The following PHF20 variants were observed in gnomAD, a reference collection of about 807,000 sequenced individuals.
The protein encoded by PHF20 is PHD finger protein 20, also known as glioma-expressed antigen 2.
A neutral mutation model predicts 113.5 loss-of-function variants in PHF20; 23 were observed. That is an observed-to-expected ratio of 0.20 (90% CI 0.15 to 0.29). PHF20 has a LOEUF of 0.29. Ranked by LOEUF, PHF20 falls within the 10% of genes least tolerant of loss-of-function variation. PHF20 has a pLI of 1.00. For synonymous variants in PHF20, 434 were observed against 457.3 expected (o/e 0.95, Z 0.65); for missense variants, 943 against 1,219.6 (o/e 0.77, Z 3.38).
chr20:35,805,870 T>C (rs1272359464), intron 2 of PHF20, among the ~76,000 whole-genome samples: 4 of 151,774 alleles, frequency 2.6e-5, no homozygotes, highest in African/African-American at 9.7e-5. Flanking sequence ...AGTTCTTTTT[T>C]TTTTCGTTTG....
At chr20:35,848,934 T>C (rs747857630) in intron 4 of PHF20, among the ~76,000 whole-genome samples, 9 of 152,032 alleles carry the variant, frequency 5.9e-5, no homozygotes, top group Non-Finnish European at 1.3e-4. Context: ...GTCTCGAGGC[T>C]ATGATAGTTC....
At chr20:35,869,826 A>G (rs2054385779) in intron 7 of PHF20, among the ~76,000 whole-genome samples, 1 of 152,186 alleles carries the variant, frequency 6.6e-6, no homozygotes, top group South Asian at 2.1e-4. Flanking sequence ...TTAATGGCTT[A>G]GGAAGGGATG....
chr20:35,939,707 A>T lies in PHF20; in HGVS notation c.2712+599A>T, dbSNP rs146080652. ...CCGGTGTTTTCATCTCTAACTGCTC[A>T]CTAGGCTCATTGTGCCCTGTCCTCA... On this transcript the variant is annotated intron_variant, in intron 16 of 17. Transcript: ENST00000374012. Among the ~76,000 whole-genome samples, 65 of 152,306 alleles carry T rather than the reference A, an allele frequency of 4.3e-4. No individual in the cohort carries two copies. In the East Asian group the frequency reaches 0.011, roughly 27 times the overall value.
At chr20:35,890,688 C>T (rs1175567884) in intron 9 of PHF20, among the ~76,000 whole-genome samples, 3 of 152,168 alleles carry the variant, frequency 2.0e-5, no homozygotes, top group Non-Finnish European at 4.4e-5. Context: ...CGAGACCAGC[C>T]TGGCCAACAG....
chr20:35,901,565 G>A (rs554097291), intron 10 of PHF20, among the ~76,000 whole-genome samples: 8 of 152,114 alleles, frequency 5.3e-5, no homozygotes, highest in Non-Finnish European at 7.4e-5. Flanking sequence ...TTTAATGTTT[G>A]TTTGTTTCCT....
chr20:35,777,675 G>T (rs898436867), intron 1 of PHF20, among the ~76,000 whole-genome samples: 3 of 152,152 alleles, frequency 2.0e-5, no homozygotes, highest in African/African-American at 7.2e-5. Flanking sequence ...AAACAAAAAA[G>T]TAGTCAGGCA....
intron 4 of PHF20, among the ~76,000 whole-genome samples, chr20:35,848,929 G>A (rs778790573): frequency 1.1e-4 from 17 of 151,448 alleles, no homozygotes; most frequent in Non-Finnish European, 1.5e-4. Flanking sequence ...GGAGAGTCTC[G>A]AGGCTATGAT....
At chr20:35,821,356 A>G (rs2042165010) in intron 2 of PHF20, among the ~76,000 whole-genome samples, 1 of 150,624 alleles carries the variant, frequency 6.6e-6, no homozygotes, top group South Asian at 2.1e-4. Flanking sequence ...AATTGCTTGA[A>G]CCCGGGAGGT....
At chr20:35,878,746 T>C in intron 9 of PHF20, 1 of 738,904 alleles carries the variant, frequency 1.4e-6, no homozygotes, top group South Asian at 1.5e-5. Context: ...GAAGAGACGC[T>C]GTCTTGCTCT....
At chr20:35,823,809 T>TA in intron 2 of PHF20, among the ~76,000 whole-genome samples, 1 of 152,338 alleles carries the variant, frequency 6.6e-6, no homozygotes, top group East Asian at 1.9e-4. Context: ...CATAGTGTGT[T>TA]ATAATGGAAT....
intron 9 of PHF20, among the ~76,000 whole-genome samples, chr20:35,895,532 A>G (rs1028198271): frequency 4.6e-5 from 7 of 152,324 alleles, no homozygotes; most frequent in Middle Eastern, 3.4e-3. Flanking sequence ...AGGGAAGGAT[A>G]TTCCAAAATA....
At chr20:35,774,443 G>T in intron 1 of PHF20, 1 of 152,258 alleles carries the variant, frequency 6.6e-6, no homozygotes, top group Non-Finnish European at 1.5e-5. Flanking sequence ...TATCTCTTAA[G>T]AGCCTCAATA....
chr20:35,872,259 ATGCC>A (rs1288787351), intron 9 of PHF20, among the ~76,000 whole-genome samples: 1 of 151,970 alleles, frequency 6.6e-6, no homozygotes, highest in Non-Finnish European at 1.5e-5. Context: ...GCGATGGCTC[ATGCC>A]TGTAATCCCA....
intron 17 of PHF20, among the ~76,000 whole-genome samples, chr20:35,942,765 CA>C (rs1363124475): frequency 6.6e-6 from 1 of 152,022 alleles, no homozygotes; most frequent in African/African-American, 2.4e-5. Flanking sequence ...TAAGATTAAT[CA>C]AAATCCCTTT....
At chr20:35,864,737 C>T (rs1430732950) in intron 6 of PHF20, among the ~76,000 whole-genome samples, 1 of 152,032 alleles carries the variant, frequency 6.6e-6, no homozygotes, top group African/African-American at 2.4e-5. Context: ...GTCTGTAGGC[C>T]TAAATAGGGC....
intron 9 of PHF20, among the ~76,000 whole-genome samples, chr20:35,876,072 G>C (rs1001748364): frequency 2.0e-5 from 3 of 152,162 alleles, no homozygotes; most frequent in African/African-American, 4.8e-5. Context: ...CCTTACAAAG[G>C]TCTCACAGTA....
chr20:35,786,019 G>A (rs1213597785), intron 1 of PHF20, among the ~76,000 whole-genome samples: 1 of 136,776 alleles, frequency 7.3e-6, no homozygotes, highest in African/African-American at 2.8e-5. Context: ...GCGACAGAGC[G>A]CAACTCCATC....
chr20:35,923,042 G>A (rs1466523073), intron 13 of PHF20, among the ~76,000 whole-genome samples: 2 of 152,192 alleles, frequency 1.3e-5, no homozygotes, highest in Non-Finnish European at 2.9e-5. Context: ...TTAAGCCTGG[G>A]CAGTCAAGGC....
intron 1 of PHF20, among the ~76,000 whole-genome samples, chr20:35,793,036 A>G (rs749807156): frequency 6.6e-6 from 1 of 152,166 alleles, no homozygotes; most frequent in Non-Finnish European, 1.5e-5. Flanking sequence ...GAACTTTGGC[A>G]AAAGGTCCTC....
Sources: gnomAD v4.1 joint callset for allele counts (sites outside exome capture counted in the v4.1 genomes callset) on GRCh38, gnomAD v4.1.1 for gene constraint, MANE v1.5 for transcripts, NCBI Gene and HGNC (gene_info 2026-07-23, HGNC 2026-07-21) for gene names.